Variants in MIPOL1 observed in about 807,000 individuals in gnomAD.
MIPOL1 encodes the protein mirror-image polydactyly gene 1 protein.
MIPOL1 carries 57 observed loss-of-function variants against 60.9 expected under a neutral mutation model. The observed-to-expected ratio is 0.94, with a 90% CI of 0.76 to 1.17. The LOEUF is 1.17. MIPOL1 is among the 50% of genes most tolerant of loss of function. The pLI is 0.00. For missense variants in MIPOL1, 551 were observed against 511.6 expected, an observed-to-expected ratio of 1.08 and a Z score of -0.74; for synonymous variants, 179 against 168.8, an observed-to-expected ratio of 1.06 and a Z score of -0.47.
intron 9 of MIPOL1, among the ~76,000 whole-genome samples, chr14:37,316,623 G>A (rs1950526): frequency 0.22 from 32,228 of 144,788 alleles, 3,998 homozygotes; most frequent in South Asian, 0.36. Flanking sequence ...TTTTTTTAAT[G>A]GGATGTTCTA....
At chr14:37,481,574 C>T (rs1161095174) in intron 11 of MIPOL1, among the ~76,000 whole-genome samples, 2 of 145,040 alleles carry the variant, frequency 1.4e-5, no homozygotes, top group Non-Finnish European at 3.0e-5. Flanking sequence ...CACACACACA[C>T]ACACACACAC....
intron 9 of MIPOL1, among the ~76,000 whole-genome samples, chr14:37,322,762 G>A (rs8009503): frequency 0.019 from 2,919 of 151,902 alleles, 84 homozygotes; most frequent in African/African-American, 0.065. Flanking sequence ...TTTCTTGACC[G>A]CATAAATGTC....
intron 1 of MIPOL1, chr14:37,219,771 T>C (rs977738472): frequency 1.3e-5 from 2 of 152,218 alleles, no homozygotes; most frequent in African/African-American, 4.8e-5. Context: ...AATTTCCGAC[T>C]ATAATTATGG....
chr14:37,480,921 A>G (rs1441872372), intron 11 of MIPOL1, among the ~76,000 whole-genome samples: 2 of 152,142 alleles, frequency 1.3e-5, no homozygotes, highest in Non-Finnish European at 2.9e-5. Context: ...GGAGGATCAC[A>G]TGAAGCCAGG....
chr14:37,265,577 AGAG>A (rs2082817700), intron 3 of MIPOL1, among the ~76,000 whole-genome samples: 1 of 152,216 alleles, frequency 6.6e-6, no homozygotes, highest in Non-Finnish European at 1.5e-5. Context: ...AGGATGGCAG[AGAG>A]GAGAGCATTG....
intron 12 of MIPOL1, chr14:37,503,441 G>A (rs76053264): frequency 6.6e-6 from 1 of 152,016 alleles, no homozygotes; most frequent in East Asian, 1.9e-4. Context: ...AGAGAGTAGG[G>A]GCCAATATTC....
chr14:37,444,549 A>T (rs1237028532), intron 11 of MIPOL1, among the ~76,000 whole-genome samples: 1 of 152,226 alleles, frequency 6.6e-6, no homozygotes, highest in Non-Finnish European at 1.5e-5. Flanking sequence ...ATAAAAATGC[A>T]AATGATTAGA....
intron 3 of MIPOL1, among the ~76,000 whole-genome samples, chr14:37,250,864 C>T (rs1973968665): frequency 6.6e-6 from 1 of 151,910 alleles, no homozygotes. Context: ...CTGAAGTGAC[C>T]ATTTTTTTCC....
chr14:37,455,280 A>G (rs1171325236), intron 11 of MIPOL1, among the ~76,000 whole-genome samples: 4 of 152,144 alleles, frequency 2.6e-5, no homozygotes, highest in African/African-American at 9.7e-5. Flanking sequence ...CTAATATCCT[A>G]TTCAGATCTT....
chr14:37,407,842 CTTCTTTTTT>C (rs1200246633), intron 10 of MIPOL1, among the ~76,000 whole-genome samples: 3 of 58,062 alleles, frequency 5.2e-5, no homozygotes, highest in South Asian at 2.0e-3. Flanking sequence ...TCTTCTTCTT[CTTCTTTTTT>C]TTTTTTTTTT....
At chr14:37,368,719 A>G (rs139104845) in intron 9 of MIPOL1, among the ~76,000 whole-genome samples, 2 of 152,114 alleles carry the variant, frequency 1.3e-5, no homozygotes, top group East Asian at 1.9e-4. Context: ...ACCCCATTTT[A>G]TAGCCTGTGT....
At chr14:37,408,885 T>C (rs1197339711) in intron 10 of MIPOL1, among the ~76,000 whole-genome samples, 2 of 152,136 alleles carry the variant, frequency 1.3e-5, no homozygotes, top group Non-Finnish European at 2.9e-5. Flanking sequence ...GTAGATGAAA[T>C]GTGTAAAGAT....
rs1336201743 is a variant in MIPOL1, at chr14:37,533,071, ATAAAG to A, written c.1263-13831_1263-13827del. Among the ~76,000 whole-genome samples the A allele has an allele frequency of 3.9e-5, 6 of 152,282 alleles. No individual in the cohort carries two copies. In the South Asian group the frequency reaches 1.0e-3, roughly 26 times the overall value. Reference sequence around the variant, plus strand: ...TATGTTGTGATATTATACTAATTAAATAAAGTATAGTCTATGATGAGTATGCATCA... The same window carrying A: ...TATGTTGTGATATTATACTAATTAAATATAGTCTATGATGAGTATGCATCA... On this transcript the variant is annotated intron_variant, in intron 12 of 12. Transcript: ENST00000684589.
At chr14:37,363,255 CCTTTGGTCT>C (rs1293735693) in intron 9 of MIPOL1, among the ~76,000 whole-genome samples, 2 of 152,130 alleles carry the variant, frequency 1.3e-5, no homozygotes, top group Non-Finnish European at 2.9e-5. Context: ...TATTTATCTA[CCTTTGGTCT>C]CTGATGTTTT....
chr14:37,286,523 C>CT (rs1019923065), intron 7 of MIPOL1, among the ~76,000 whole-genome samples: 2 of 152,118 alleles, frequency 1.3e-5, no homozygotes, highest in East Asian at 3.9e-4. Flanking sequence ...ATCCAGTAAT[C>CT]TAATATTTAA....
intron 10 of MIPOL1, among the ~76,000 whole-genome samples, chr14:37,420,141 T>C (rs961301885): frequency 6.6e-6 from 1 of 151,786 alleles, no homozygotes; most frequent in African/African-American, 2.4e-5. Context: ...TATAAAGCGC[T>C]ATCAATTTTG....
chr14:37,430,501 G>T (rs1213085286), intron 11 of MIPOL1, among the ~76,000 whole-genome samples: 2 of 44,920 alleles, frequency 4.5e-5, no homozygotes, highest in East Asian at 4.6e-4. Context: ...AATTAAAATA[G>T]TTTTTTTTTT....
At chr14:37,414,211 G>A (rs2093725869) in intron 10 of MIPOL1, among the ~76,000 whole-genome samples, 1 of 152,040 alleles carries the variant, frequency 6.6e-6, no homozygotes, top group Non-Finnish European at 1.5e-5. Flanking sequence ...TCCCAGTTTA[G>A]TGAATGACAT....
rs1049019005 is a variant in MIPOL1 at position 37,354,762 on chromosome 14, A to G, written c.829-14755A>G. ...TTTTTTTGTTTTCCATTTGCTTGGTAGATCTTCCTCCATCCTTTTATTTTG... is the reference window on the plus strand; with the variant it reads ...TTTTTTTGTTTTCCATTTGCTTGGTGGATCTTCCTCCATCCTTTTATTTTG... On this transcript the variant is annotated intron_variant, in intron 9 of 12. Coordinates refer to ENST00000684589, the MANE Select transcript of MIPOL1 (RefSeq NM_001388067.1). Among the ~76,000 whole-genome samples, 127 of 93,728 alleles carry G rather than the reference A, an allele frequency of 1.4e-3. 2 individuals are homozygous for G. The highest frequency in any genetic ancestry group is 5.2e-3 in the African/African-American group (125 of 23,934). The allele number at this position is 93,728 out of a possible 152,430, so 61.5% of individuals were successfully genotyped here.
Sources: allele counts gnomAD v4.1 joint callset (sites outside exome capture counted in the v4.1 genomes callset), GRCh38; gene constraint gnomAD v4.1.1; transcripts MANE v1.5; gene names NCBI Gene and HGNC (gene_info 2026-07-23, HGNC 2026-07-21).